Variants in KCNIP4 observed in about 807,000 individuals in gnomAD.
The protein encoded by KCNIP4 is Kv channel-interacting protein 4.
In KCNIP4, 12 loss-of-function variants were observed where a neutral mutation model predicts 34.0. That is an observed-to-expected ratio of 0.35 (90% confidence interval 0.23 to 0.57). The LOEUF (loss-of-function observed/expected upper bound fraction) is 0.57. Among genes scored for constraint, KCNIP4 ranks in the 20% least tolerant of loss-of-function variants. The pLI is 0.83. For missense variants in KCNIP4, 238 were observed against 311.7 expected (o/e 0.76, Z 1.78); for synonymous variants, 124 against 102.2 (o/e 1.21, Z -1.29).
chr4:21,267,697 G>A (rs1761900842), intron 1 of KCNIP4, among the ~76,000 whole-genome samples: 1 of 142,008 alleles, frequency 7.0e-6, no homozygotes, highest in South Asian at 2.4e-4. Flanking sequence ...CAGGGATGAA[G>A]CCCACTTGAT....
intron 1 of KCNIP4, among the ~76,000 whole-genome samples, chr4:21,293,756 A>C (rs1199203425): frequency 1.3e-5 from 2 of 152,218 alleles, no homozygotes; most frequent in South Asian, 4.1e-4. Flanking sequence ...GGGGTCTATG[A>C]GAAAAGAATT....
At chr4:21,711,539 G>T (rs1713730156) in intron 1 of KCNIP4, among the ~76,000 whole-genome samples, 1 of 152,090 alleles carries the variant, frequency 6.6e-6, no homozygotes, top group Non-Finnish European at 1.5e-5. Flanking sequence ...TCACAATATA[G>T]TGGTAATATT....
At position 20,850,497 on chromosome 4, in the gene KCNIP4, T is replaced by C. The variant is rs772844138; in HGVS notation, c.288+46A>G. The stretch of plus-strand genomic sequence containing the variant: ...CCCTTTTCCTCTCATTTCTCAATGC[T>C]CCTCTGGGAATTGTGTGAAGGTAAA... On this transcript the variant is annotated intron_variant, in intron 3 of 8. Coordinates refer to ENST00000382152, the MANE Select transcript of KCNIP4 (RefSeq NM_025221.6). The C allele has an allele frequency of 1.9e-6, 3 of 1,592,896 alleles. No homozygotes were observed. The African/African-American group carries it at 4.0e-5, about 21-fold the overall frequency.
intron 1 of KCNIP4, among the ~76,000 whole-genome samples, chr4:21,104,870 G>C (rs531359128): frequency 9.2e-5 from 14 of 151,588 alleles, no homozygotes; most frequent in African/African-American, 2.9e-4. Context: ...CCCATTGCTT[G>C]TTTTTGTCAG....
Position 21,869,775 on chromosome 4 carries a change from TAGATAGATAGAC to T in KCNIP4, c.61+78784_61+78795del, listed in dbSNP as rs1162491045. Among the ~76,000 whole-genome samples, 282 of 87,632 alleles carry T rather than the reference TAGATAGATAGAC, an allele frequency of 3.2e-3. 1 individual carries two copies. The highest frequency in any genetic ancestry group is 8.5e-3 in the African/African-American group (245 of 28,934). The allele number at this position is 87,632 out of a possible 152,430, so 57.5% of individuals were successfully genotyped here. A position where few individuals can be genotyped will look rare whatever the true frequency, so the allele number is the denominator to read the frequency against. On this transcript the variant is annotated intron_variant, in intron 1 of 8. Transcript: ENST00000382152. ...ATAGATAGATAGATAGATAGATAGA[TAGATAGATAGAC>T]AGACAGACAGATAGATAGATATAGA...
chr4:21,053,014 CACACACACACAT>C (rs1430528493), intron 1 of KCNIP4, among the ~76,000 whole-genome samples: 3 of 151,652 alleles, frequency 2.0e-5, no homozygotes, highest in African/African-American at 7.3e-5. Flanking sequence ...TATGTATACA[CACACACACACAT>C]ACACACACAC....
intron 1 of KCNIP4, among the ~76,000 whole-genome samples, chr4:21,410,397 G>T (rs1175429040): frequency 6.6e-6 from 1 of 152,152 alleles, no homozygotes; most frequent in Non-Finnish European, 1.5e-5. Flanking sequence ...TCTATGACTT[G>T]CAAGGTTATC....
intron 1 of KCNIP4, among the ~76,000 whole-genome samples, chr4:20,994,131 C>T (rs894989911): frequency 3.3e-5 from 5 of 152,212 alleles, no homozygotes; most frequent in Non-Finnish European, 5.9e-5. Context: ...ATTCACAATA[C>T]TGATTACCTT....
intron 4 of KCNIP4, among the ~76,000 whole-genome samples, chr4:20,753,987 C>T (rs1188213446): frequency 6.6e-6 from 1 of 152,110 alleles, no homozygotes; most frequent in African/African-American, 2.4e-5. Context: ...TGCATTCCTA[C>T]AACATGAGCA....
intron 1 of KCNIP4, among the ~76,000 whole-genome samples, chr4:21,725,936 AAGAGT>A (rs1415636382): frequency 6.6e-6 from 1 of 152,176 alleles, no homozygotes; most frequent in East Asian, 1.9e-4. Context: ...CTGTTTCTGG[AAGAGT>A]AAAGTGAAAG....
chr4:21,180,000 A>T (rs995581225), intron 1 of KCNIP4, among the ~76,000 whole-genome samples: 13 of 152,198 alleles, frequency 8.5e-5, no homozygotes, highest in African/African-American at 2.9e-4. Flanking sequence ...CACTGAGGAT[A>T]CAAGGATGGT....
intron 1 of KCNIP4, among the ~76,000 whole-genome samples, chr4:21,284,361 C>T (rs1439038789): frequency 1.3e-5 from 2 of 152,224 alleles, no homozygotes; most frequent in Non-Finnish European, 2.9e-5. Flanking sequence ...GCCGCCTTTA[C>T]TGAACACTTA....
chr4:21,801,898 G>T (rs1489997419), intron 1 of KCNIP4, among the ~76,000 whole-genome samples: 3 of 151,282 alleles, frequency 2.0e-5, no homozygotes, highest in Non-Finnish European at 4.4e-5. Context: ...ACAGAGAGAA[G>T]TCATCAAGAA....
chr4:21,309,245 C>T (rs568997784), intron 1 of KCNIP4, among the ~76,000 whole-genome samples: 2 of 152,326 alleles, frequency 1.3e-5, no homozygotes, highest in Non-Finnish European at 2.9e-5. Context: ...TTTCTCTACG[C>T]TTTCACCACA....
intron 3 of KCNIP4, among the ~76,000 whole-genome samples, chr4:20,799,075 A>G (rs1272286771): frequency 1.3e-5 from 2 of 152,124 alleles, no homozygotes; most frequent in African/African-American, 4.8e-5. Context: ...CTATTGCAAC[A>G]TGCACACTCC....
intron 1 of KCNIP4, among the ~76,000 whole-genome samples, chr4:21,373,025 T>A (rs2109446244): frequency 6.9e-6 from 1 of 144,878 alleles, no homozygotes; most frequent in Admixed American, 6.7e-5. Context: ...AATTTAAACA[T>A]AATTTGGCCA....
chr4:21,881,124 T>C (rs1726434910), intron 1 of KCNIP4, among the ~76,000 whole-genome samples: 1 of 152,162 alleles, frequency 6.6e-6, no homozygotes, highest in Non-Finnish European at 1.5e-5. Context: ...ATTTCCTGGC[T>C]TTATTCTAAA....
At chr4:21,941,551 C>A (rs2109020026) in intron 1 of KCNIP4, among the ~76,000 whole-genome samples, 1 of 150,890 alleles carries the variant, frequency 6.6e-6, no homozygotes, top group East Asian at 2.0e-4. Context: ...CAGATGTTGT[C>A]TGAATACAAA....
chr4:20,831,388 A>G (rs1718408949), intron 3 of KCNIP4, among the ~76,000 whole-genome samples: 2 of 152,086 alleles, frequency 1.3e-5, no homozygotes, highest in African/African-American at 4.8e-5. Context: ...TGAACCACAC[A>G]TCCTCCCCAA....
Sources: allele counts gnomAD v4.1 joint callset (sites outside exome capture counted in the v4.1 genomes callset), GRCh38; gene constraint gnomAD v4.1.1; transcripts MANE v1.5; gene names NCBI Gene and HGNC (gene_info 2026-07-23, HGNC 2026-07-21).